Variants in ALPK1 observed in about 807,000 individuals in gnomAD.
ALPK1 encodes alpha-protein kinase 1.
Under a neutral mutation model 120.6 loss-of-function variants are expected in ALPK1, and 110 were observed. The ratio of observed to expected loss-of-function variants is 0.91; its 90% CI spans 0.78 to 1.07. The LOEUF (loss-of-function observed/expected upper bound fraction) is 1.07. Ranked by LOEUF, ALPK1 falls within the 50% of genes least tolerant of loss-of-function variation. ALPK1 has a pLI of 0.00. For missense variants in ALPK1, 1,498 were observed against 1,483.9 expected, an observed-to-expected ratio of 1.01 and a Z score of -0.16; for synonymous variants, 582 against 560.3, an observed-to-expected ratio of 1.04 and a Z score of -0.55.
At chr4:112,424,726 C>T (rs1441187388) in intron 6 of ALPK1, among the ~76,000 whole-genome samples, 2 of 152,134 alleles carry the variant, frequency 1.3e-5, no homozygotes, top group Non-Finnish European at 2.9e-5. Context: ...TCACTTGTGG[C>T]CACCATCACT....
Position 112,358,525 on chromosome 4 carries a change from G to A in ALPK1, c.-100-19153G>A, listed in dbSNP as rs150560693. 1.6e-3 allele frequency: 1,080 copies of A among 680,590 alleles called. 3 individuals carry two copies. Among genetic ancestry groups the A allele is most frequent in the Middle Eastern group, 4.7e-3 (19 of 4,024 alleles). 42.2% of individuals were successfully genotyped at this position (680,590 alleles called of 1,614,324 possible). A position where few individuals can be genotyped will look rare whatever the true frequency, so the allele number is the denominator to read the frequency against. ...CAGGGTCACCAGCTGCTGGGGACCC[G>A]GAGGGCAGCCTGTATATGGAGTATG... On this transcript the variant is annotated intron_variant, in intron 2 of 15. Transcript: ENST00000650871.
chr4:112,349,292 A>G (rs1029363480), intron 2 of ALPK1, among the ~76,000 whole-genome samples: 3 of 152,222 alleles, frequency 2.0e-5, no homozygotes, highest in Non-Finnish European at 4.4e-5. Context: ...GACTTTGCAT[A>G]GTCAAGCAAT....
chr4:112,369,638 GCAC>G (rs1240176361), intron 2 of ALPK1, among the ~76,000 whole-genome samples: 1 of 152,068 alleles, frequency 6.6e-6, no homozygotes, highest in African/African-American at 2.4e-5. Context: ...AGCCGAGATT[GCAC>G]CACTCCACTC....
chr4:112,434,842 C>T (rs1734721166), intron 11 of ALPK1, among the ~76,000 whole-genome samples: 1 of 152,146 alleles, frequency 6.6e-6, no homozygotes, highest in Non-Finnish European at 1.5e-5. Flanking sequence ...TTTTAAAATT[C>T]CTTTATTTTC....
At chr4:112,328,451 ATC>A (rs1418785358) in intron 2 of ALPK1, among the ~76,000 whole-genome samples, 1 of 152,228 alleles carries the variant, frequency 6.6e-6, no homozygotes, top group African/African-American at 2.4e-5. Flanking sequence ...AAGTATCCAC[ATC>A]TTTTGATTTA....
At chr4:112,387,162 C>T (rs1028496566) in intron 4 of ALPK1, among the ~76,000 whole-genome samples, 1 of 152,112 alleles carries the variant, frequency 6.6e-6, no homozygotes, top group African/African-American at 2.4e-5. Flanking sequence ...GCTGAGATGC[C>T]GGGGAAGGAC....
intron 1 of ALPK1, among the ~76,000 whole-genome samples, chr4:112,307,704 T>C (rs1202355231): frequency 2.0e-5 from 3 of 152,144 alleles, no homozygotes; most frequent in African/African-American, 7.3e-5. Context: ...CTTATCCAAT[T>C]TGCCAGTCTG....
intron 12 of ALPK1, 82 bp downstream of exon 12, chr4:112,435,383 G>A (rs1411395365): frequency 1.6e-5 from 22 of 1,368,446 alleles, no homozygotes; most frequent in Admixed American, 4.9e-5. Context: ...ATGAGACTTC[G>A]TAGGGGCTGA....
chr4:112,330,499 T>C (rs1578470996), intron 2 of ALPK1, among the ~76,000 whole-genome samples: 1 of 152,110 alleles, frequency 6.6e-6, no homozygotes, highest in African/African-American at 2.4e-5. Flanking sequence ...TTGGCTACGG[T>C]CCTTGTTTTC....
In ALPK1 at chr4:112,432,588, A is replaced by G. The variant is rs755789811; in HGVS notation, c.3034+7A>G. ...CAACTCCACCGAGCACATAGTAAGT[A>G]CAATCTTTTCAATAGTTCCCCCCTC... On this transcript the variant is annotated splice_region_variant and intron_variant, in intron 11 of 15. Coordinates refer to ENST00000650871, the MANE Select transcript of ALPK1 (RefSeq NM_025144.4). 3.7e-6 allele frequency: 6 copies of G among 1,606,522 alleles called. No homozygotes were observed. Among genetic ancestry groups the G allele is most frequent in the Non-Finnish European group, 5.1e-6 (6 of 1,178,076 alleles).
At chr4:112,309,018 G>A (rs1728264063) in intron 1 of ALPK1, among the ~76,000 whole-genome samples, 1 of 152,160 alleles carries the variant, frequency 6.6e-6, no homozygotes, top group East Asian at 1.9e-4. Flanking sequence ...GACCACTCCA[G>A]ACCCTGTTTG....
intron 4 of ALPK1, among the ~76,000 whole-genome samples, chr4:112,396,901 C>T (rs1354958531): frequency 1.3e-5 from 2 of 152,094 alleles, no homozygotes; most frequent in African/African-American, 4.8e-5. Context: ...CCTCAGCTTC[C>T]CAAGTAACTG....
At chr4:112,354,067 A>AT (rs1444778328) in intron 2 of ALPK1, among the ~76,000 whole-genome samples, 2 of 151,916 alleles carry the variant, frequency 1.3e-5, no homozygotes, top group Non-Finnish European at 2.9e-5. Context: ...TCTTTTTCTC[A>AT]TTGATTTACA....
intron 2 of ALPK1, among the ~76,000 whole-genome samples, chr4:112,374,421 A>G (rs1731559929): frequency 6.6e-6 from 1 of 152,152 alleles, no homozygotes; most frequent in African/African-American, 2.4e-5. Context: ...TGAAGTCTTG[A>G]ACACCCCAAA....
intron 1 of ALPK1, among the ~76,000 whole-genome samples, chr4:112,315,339 C>T (rs1728587905): frequency 6.6e-6 from 1 of 152,180 alleles, no homozygotes; most frequent in African/African-American, 2.4e-5. Context: ...TTGCAGAACT[C>T]CAGGAGATAA....
chr4:112,394,817 A>T (rs147097577), intron 4 of ALPK1, among the ~76,000 whole-genome samples: 38 of 152,306 alleles, frequency 2.5e-4, no homozygotes, highest in African/African-American at 8.9e-4. Flanking sequence ...TGACTAAGAC[A>T]AGTGGGCTGA....
rs1053303893 is a variant in ALPK1, at chr4:112,435,192, G to A, written c.3079G>A (p.Ala1027Thr). The A allele has an allele frequency of 1.4e-5, 22 of 1,612,634 alleles. No homozygotes were observed. Among genetic ancestry groups the A allele is most frequent in the Non-Finnish European group, 1.8e-5 (21 of 1,179,612 alleles). ...TTCAAAAAAATCTGAACTGTGGACG[G>A]CCCAGGAAACTATTGTCTATTTGGG... ...KYSKKSELWT[A>T]QETIVYLGDY... Residue 1027 changes from alanine (A) to threonine (T), a missense_variant, in exon 12 of 16, where the codon GCC becomes ACC. Ala to Thr is a moderately conservative substitution (Grantham distance 58). Coordinates refer to ENST00000650871, the MANE Select transcript of ALPK1 (RefSeq NM_025144.4).
At chr4:112,406,738 T>TA (rs149443052) in intron 4 of ALPK1, among the ~76,000 whole-genome samples, 4,223 of 152,168 alleles carry the variant, frequency 0.028, 97 homozygotes, top group South Asian at 0.078. Flanking sequence ...AGGCTGGCCA[T>TA]AAAAAAATTC....
At chr4:112,339,645 T>C (rs971171490) in intron 2 of ALPK1, among the ~76,000 whole-genome samples, 5 of 152,244 alleles carry the variant, frequency 3.3e-5, no homozygotes, top group Non-Finnish European at 7.3e-5. Context: ...TGTTGTATAA[T>C]TTTTAGTTTG....
Sources: gnomAD v4.1 joint callset for allele counts (sites outside exome capture counted in the v4.1 genomes callset) on GRCh38, gnomAD v4.1.1 for gene constraint, MANE v1.5 for transcripts, NCBI Gene and HGNC (gene_info 2026-07-23, HGNC 2026-07-21) for gene names.